Variants in NEXMIF observed in about 807,000 individuals in gnomAD.
NEXMIF encodes XLMR protein related to neurite extension.
A neutral mutation model predicts 62.1 loss-of-function variants in NEXMIF; 8 were observed. The ratio of observed to expected loss-of-function variants is 0.13; its 90% confidence interval spans 0.08 to 0.23. NEXMIF has a LOEUF of 0.23. Ranked by LOEUF, NEXMIF falls within the 10% of genes least tolerant of loss-of-function variation. NEXMIF has a pLI of 1.00. For missense variants in NEXMIF, 976 were observed against 1,113.3 expected, an observed-to-expected ratio of 0.88 and a Z score of 1.75; for synonymous variants, 404 against 416.6, an observed-to-expected ratio of 0.97 and a Z score of 0.37.
intron 1 of NEXMIF, among the ~76,000 whole-genome samples, chrX:74,823,237 G>A (rs941674157): frequency 9.0e-6 from 1 of 111,692 alleles, no homozygotes; most frequent in East Asian, 2.8e-4. Flanking sequence ...TTCTTTTATC[G>A]AGGACAAAAA....
chrX:74,823,701 T>C (rs55664122), intron 1 of NEXMIF, among the ~76,000 whole-genome samples: 150 of 60,914 alleles, frequency 2.5e-3, no homozygotes, highest in Non-Finnish European at 3.7e-3. Context: ...GAAAGACAGA[T>C]AGATAGATAG....
intron 1 of NEXMIF, among the ~76,000 whole-genome samples, chrX:74,820,595 A>C (rs2147479048): frequency 8.9e-6 from 1 of 111,966 alleles, no homozygotes; most frequent in South Asian, 3.8e-4. Flanking sequence ...AAAGATAAGG[A>C]ATCAACCTAG....
intron 1 of NEXMIF, among the ~76,000 whole-genome samples, chrX:74,893,548 T>C (rs2080724145): frequency 8.9e-6 from 1 of 112,135 alleles, no homozygotes; most frequent in Admixed American, 9.5e-5. Flanking sequence ...TTATATTTAA[T>C]CTTGTTTCCT....
intron 1 of NEXMIF, among the ~76,000 whole-genome samples, chrX:74,796,245 C>CATATATAATATATATATATAT (rs1569345279): frequency 3.5e-4 from 5 of 14,434 alleles, no homozygotes; most frequent in Non-Finnish European, 1.5e-3. Flanking sequence ...TATATATATA[C>CATATATAATATATATATATAT]ACATATATAT....
chrX:74,884,124 C>A (rs1280120913), intron 1 of NEXMIF, among the ~76,000 whole-genome samples: 1 of 111,644 alleles, frequency 9.0e-6, no homozygotes, highest in African/African-American at 3.3e-5. Context: ...CCAGGCCTGC[C>A]CTAAAAAGCT....
chrX:74,764,086 A>G (rs1217390231), intron 1 of NEXMIF, among the ~76,000 whole-genome samples: 1 of 111,647 alleles, frequency 9.0e-6, no homozygotes, highest in African/African-American at 3.3e-5. Flanking sequence ...CCCATTCAGT[A>G]TGATATTGGC....
At chrX:74,745,476 C>T in intron 2 of NEXMIF, 96 bp downstream of exon 2, 1 of 595,107 alleles carries the variant, frequency 1.7e-6, no homozygotes, top group Non-Finnish European at 2.8e-6. Context: ...GCATCCTGGA[C>T]TCAACCTGTC....
At chrX:74,768,406 C>T (rs1369207584) in intron 1 of NEXMIF, among the ~76,000 whole-genome samples, 1 of 112,397 alleles carries the variant, frequency 8.9e-6, no homozygotes, top group Non-Finnish European at 1.9e-5. Flanking sequence ...GCATTAGCTG[C>T]TTCTAGTTGG....
intron 1 of NEXMIF, among the ~76,000 whole-genome samples, chrX:74,841,202 A>C (rs2080472785): frequency 9.1e-6 from 1 of 110,489 alleles, no homozygotes; most frequent in Non-Finnish European, 1.9e-5. Context: ...ACCTCCCTGG[A>C]TAGCTGTATT....
intron 1 of NEXMIF, among the ~76,000 whole-genome samples, chrX:74,877,121 A>G (rs1161517466): frequency 6.3e-5 from 7 of 111,790 alleles, no homozygotes; most frequent in Admixed American, 3.8e-4. Context: ...ATTTTGCAGC[A>G]GCTGGTACAG....
At chrX:74,855,002 G>T (rs1419148018) in intron 1 of NEXMIF, among the ~76,000 whole-genome samples, 1 of 111,462 alleles carries the variant, frequency 9.0e-6, no homozygotes, top group South Asian at 3.8e-4. Flanking sequence ...ACAAAGCAAT[G>T]TAAAAAATAA....
At chrX:74,893,161 G>A (rs1287344664) in intron 1 of NEXMIF, among the ~76,000 whole-genome samples, 1 of 112,375 alleles carries the variant, frequency 8.9e-6, no homozygotes, top group African/African-American at 3.2e-5. Context: ...AGCTTTGGAA[G>A]AAGTGACACC....
At chrX:74,886,272 C>G (rs2080692710) in intron 1 of NEXMIF, among the ~76,000 whole-genome samples, 1 of 111,653 alleles carries the variant, frequency 9.0e-6, no homozygotes, top group African/African-American at 3.3e-5. Flanking sequence ...CACTCCTATT[C>G]AACATAGTGT....
intron 1 of NEXMIF, among the ~76,000 whole-genome samples, chrX:74,749,558 G>A (rs1010192478): frequency 9.1e-6 from 1 of 110,136 alleles, no homozygotes; most frequent in Non-Finnish European, 1.9e-5. Flanking sequence ...GCTTCCCTGT[G>A]TCTTGCACTT....
intron 1 of NEXMIF, among the ~76,000 whole-genome samples, chrX:74,906,642 C>G (rs932800820): frequency 9.0e-6 from 1 of 110,561 alleles, no homozygotes; most frequent in Non-Finnish European, 1.9e-5. Context: ...CCTTCTTGAG[C>G]CAAATTCCTA....
At chrX:74,918,729 A>G (rs2080816030) in intron 1 of NEXMIF, among the ~76,000 whole-genome samples, 1 of 112,279 alleles carries the variant, frequency 8.9e-6, no homozygotes, top group Admixed American at 9.4e-5. Flanking sequence ...CTCAATTAAG[A>G]AGAGGAAGCC....
At chrX:74,887,732 G>A (rs565049484) in intron 1 of NEXMIF, among the ~76,000 whole-genome samples, 1 of 111,678 alleles carries the variant, frequency 9.0e-6, no homozygotes, top group South Asian at 3.8e-4. Flanking sequence ...TGTGGAAGTC[G>A]GTGTGGTGAT....
chrX:74,883,410 T>C (rs1418148533), intron 1 of NEXMIF, among the ~76,000 whole-genome samples: 1 of 110,864 alleles, frequency 9.0e-6, no homozygotes, highest in African/African-American at 3.3e-5. Flanking sequence ...AAAAATTAGA[T>C]GAATGGATAA....
In NEXMIF at chrX:74,741,089, C is replaced by T; in HGVS notation, c.3468G>A (p.Leu1156=). 1 of 1,211,550 alleles carries T rather than the reference C, an allele frequency of 8.3e-7. No individual in the cohort carries two copies. Among genetic ancestry groups the T allele is most frequent in the Non-Finnish European group, 1.1e-6 (1 of 895,394 alleles). Residue 1156 remains leucine (L), a synonymous_variant, in exon 3 of 4, where the codon CTG becomes CTA. Coordinates refer to ENST00000055682, the MANE Select transcript of NEXMIF (RefSeq NM_001008537.3). ...SVSLLQKNPC[L]STFNDPSGQI... is the part of the protein sequence containing the mutation. ...GACCAGATGGATCATTAAATGTTGACAGGCAAGGGTTTTTTTGGAGCAGGC... is the reference window on the plus strand; with the variant it reads ...GACCAGATGGATCATTAAATGTTGATAGGCAAGGGTTTTTTTGGAGCAGGC...
Sources: gnomAD v4.1 joint callset for allele counts (sites outside exome capture counted in the v4.1 genomes callset) on GRCh38, gnomAD v4.1.1 for gene constraint, MANE v1.5 for transcripts, NCBI Gene and HGNC (gene_info 2026-07-23, HGNC 2026-07-21) for gene names.